The following RAB37 variants were observed in gnomAD, a reference collection of about 807,000 sequenced individuals.
The protein encoded by RAB37 is ras-related protein Rab-37.
A neutral mutation model predicts 33.1 loss-of-function variants in RAB37; 29 were observed. The ratio of observed to expected loss-of-function variants is 0.88; its 90% CI spans 0.65 to 1.20. The LOEUF is 1.20. Among genes scored for constraint, RAB37 ranks in the 50% most tolerant of loss-of-function variants. The pLI, the probability that RAB37 is intolerant of heterozygous loss-of-function variation, is 0.00. For missense variants in RAB37, 299 were observed against 301.1 expected, an observed-to-expected ratio of 0.99 and a Z score of 0.05; for synonymous variants, 128 against 119.5, an observed-to-expected ratio of 1.07 and a Z score of -0.47.
intron 1 of RAB37, among the ~76,000 whole-genome samples, chr17:74,721,447 T>C (rs1232458193): frequency 6.6e-6 from 1 of 151,934 alleles, no homozygotes; most frequent in Non-Finnish European, 1.5e-5. Flanking sequence ...TTTTTTTTTT[T>C]TTTGAGATGG....
intron 2 of RAB37, among the ~76,000 whole-genome samples, chr17:74,732,023 C>CAA (rs143322617): frequency 1.4e-5 from 2 of 139,766 alleles, no homozygotes; most frequent in Non-Finnish European, 1.6e-5. Flanking sequence ...ACAACAACAA[C>CAA]AAAAAAAAAA....
chr17:74,680,954 G>A (rs1182403894), intron 1 of RAB37, among the ~76,000 whole-genome samples: 1 of 152,176 alleles, frequency 6.6e-6, no homozygotes, highest in Non-Finnish European at 1.5e-5. Context: ...CACCACCCCT[G>A]TTCACATGCT....
chr17:74,691,080 T>A (rs1036276567), intron 1 of RAB37, among the ~76,000 whole-genome samples: 4 of 152,044 alleles, frequency 2.6e-5, no homozygotes, highest in Admixed American at 6.6e-5. Flanking sequence ...CTAATTTTTT[T>A]AATTTTTTTG....
chr17:74,678,765 G>C (rs1331559103), intron 1 of RAB37, among the ~76,000 whole-genome samples: 1 of 152,072 alleles, frequency 6.6e-6, no homozygotes, highest in Non-Finnish European at 1.5e-5. Context: ...CAGGGCCAGT[G>C]ATCATCCGTT....
intron 1 of RAB37, among the ~76,000 whole-genome samples, chr17:74,678,808 G>C (rs776505629): frequency 6.6e-6 from 1 of 152,036 alleles, no homozygotes; most frequent in Non-Finnish European, 1.5e-5. Flanking sequence ...CTTTTGTTAT[G>C]AGCCTTTTAA....
intron 1 of RAB37, chr17:74,695,660 G>C (rs372574297): frequency 6.2e-7 from 1 of 1,608,844 alleles, no homozygotes; most frequent in Admixed American, 1.7e-5. Context: ...ACCCTCCAAC[G>C]GGGTGCAACG....
At chr17:74,703,399 G>A (rs2143749777) in intron 1 of RAB37, among the ~76,000 whole-genome samples, 1 of 152,202 alleles carries the variant, frequency 6.6e-6, no homozygotes, top group Middle Eastern at 3.4e-3. Context: ...AAGAGCCTAA[G>A]GGCAGCTGGA....
chr17:74,696,903 TGTTTG>T (rs72122986), intron 1 of RAB37, among the ~76,000 whole-genome samples: 23,203 of 146,770 alleles, frequency 0.16, 1,988 homozygotes, highest in East Asian at 0.3. Context: ...GGACCGATTT[TGTTTG>T]GTTTGGTTTG....
At chr17:74,704,356 C>T (rs2033333090) in intron 1 of RAB37, 1 of 746,104 alleles carries the variant, frequency 1.3e-6, no homozygotes. Flanking sequence ...AGTCAGGGTT[C>T]TATGAGACTC....
rs763968925 is a variant in RAB37, at chr17:74,743,164, C to A, written c.282C>A (p.Ser94Arg). 1 of 1,613,766 alleles carries A rather than the reference C, an allele frequency of 6.2e-7. No individual in the cohort carries two copies. The highest frequency in any genetic ancestry group is 1.1e-5 in the South Asian group (1 of 91,066). Residue 94 changes from serine to arginine, a missense_variant, in exon 4 of 9, where the codon AGC becomes AGA. Physicochemically the swap from Ser to Arg is moderately radical, Grantham distance 110. Coordinates refer to ENST00000392613, the MANE Select transcript of RAB37 (RefSeq NM_001006638.3). The stretch of plus-strand genomic sequence containing the variant: ...CCGCTGGGCAGGAACGGTTCCGAAG[C>A]GTCACCCATGCTTATTACAGAGATG... ...WDTAGQERFR[S>R]VTHAYYRDAQ...
At chr17:74,737,956 C>A (rs1160476423) in intron 1 of RAB37, among the ~76,000 whole-genome samples, 3 of 152,162 alleles carry the variant, frequency 2.0e-5, no homozygotes, top group African/African-American at 4.8e-5. Flanking sequence ...GGGAATTTTT[C>A]GAACCTGAGA....
chr17:74,737,679 T>A (rs1346575745), intron 1 of RAB37, among the ~76,000 whole-genome samples: 1 of 152,038 alleles, frequency 6.6e-6, no homozygotes, highest in Non-Finnish European at 1.5e-5. Context: ...AGCGCGCAAC[T>A]CTCGGGGCTC....
intron 1 of RAB37, among the ~76,000 whole-genome samples, chr17:74,674,653 C>G (rs143062419): frequency 1.5e-3 from 221 of 152,064 alleles, no homozygotes; most frequent in African/African-American, 5.1e-3. Context: ...ACTCCAGCTT[C>G]AGCAACAGAG....
intron 1 of RAB37, among the ~76,000 whole-genome samples, chr17:74,699,884 T>C (rs1203540344): frequency 2.6e-5 from 4 of 152,102 alleles, no homozygotes; most frequent in Non-Finnish European, 4.4e-5. Context: ...CTCATACCTG[T>C]AATCCCAGCA....
chr17:74,735,059 A>AAGAG (rs759724347), upstream of RAB37, among the ~76,000 whole-genome samples: 8 of 135,742 alleles, frequency 5.9e-5, no homozygotes, highest in African/African-American at 1.6e-4. Context: ...GAAAGAAAGA[A>AAGAG]AGAGAAAGAA....
chr17:74,702,220 G>A (rs1195177276), intron 1 of RAB37, among the ~76,000 whole-genome samples: 1 of 151,978 alleles, frequency 6.6e-6, no homozygotes, highest in Non-Finnish European at 1.5e-5. Flanking sequence ...GAGAGTGAAA[G>A]GAAGAAATTA....
At position 74,743,124 on chromosome 17, in the gene RAB37, C is replaced by T; in HGVS notation, c.247-5C>T. 6.2e-7 allele frequency: 1 copy of T among 1,612,452 alleles called. No individual in the cohort carries two copies. The highest frequency in any genetic ancestry group is 8.5e-7 in the Non-Finnish European group (1 of 1,178,802). On this transcript the variant is annotated splice_region_variant and splice_polypyrimidine_tract_variant and intron_variant, in intron 3 of 8. Coordinates refer to ENST00000392613, the MANE Select transcript of RAB37 (RefSeq NM_001006638.3). ...TGACCATTTCTCCATCCCATCCCTTCCCAGATCTGGGACACCGCTGGGCAG... is the reference window on the plus strand; with the variant it reads ...TGACCATTTCTCCATCCCATCCCTTTCCAGATCTGGGACACCGCTGGGCAG...
At position 74,671,674 on chromosome 17, in the gene RAB37, A is replaced by G. The variant is rs373808857; in HGVS notation, c.72+16A>G. 3.2e-5 allele frequency: 52 copies of G among 1,612,438 alleles called. No homozygotes were observed. Among genetic ancestry groups the G allele is most frequent in the Non-Finnish European group, 4.2e-5 (50 of 1,178,548 alleles). On this transcript the variant is annotated intron_variant, in intron 1 of 7. Transcript: ENST00000340415. The surrounding 1 kb of genome is among the most constrained non-coding windows in gnomAD (Gnocchi z 5.0). ...CCTGCATAAGGTAAACATCTCCTGT[A>G]TTCCTCAACCTAACGTTGGAAGAGG...
chr17:74,720,598 TAAAAG>T (rs748455128), intron 1 of RAB37, among the ~76,000 whole-genome samples: 8 of 151,950 alleles, frequency 5.3e-5, no homozygotes, highest in Non-Finnish European at 1.2e-4. Context: ...CTCAAAAAAA[TAAAAG>T]AAAAGAAAAA....
Sources: gnomAD v4.1 joint callset for allele counts (sites outside exome capture counted in the v4.1 genomes callset) on GRCh38, gnomAD v4.1.1 for gene constraint, Gnocchi (gnomAD v3.1) non-coding constraint, MANE v1.5 for transcripts, NCBI Gene and HGNC (gene_info 2026-07-23, HGNC 2026-07-21) for gene names.